CSMD1: variants seen among roughly 807,000 people sequenced by gnomAD.
The protein encoded by CSMD1 is CUB and sushi domain-containing protein 1.
A neutral mutation model predicts 417.5 loss-of-function variants in CSMD1; 213 were observed. The ratio of observed to expected loss-of-function variants is 0.51; its 90% CI spans 0.46 to 0.57. The LOEUF (loss-of-function observed/expected upper bound fraction) is 0.57, where lower values mean the gene tolerates loss of function less well. Ranked by LOEUF, CSMD1 falls within the 20% of genes least tolerant of loss-of-function variation. The probability of loss-of-function intolerance (pLI) is 0.00; values close to 1 mark genes in which losing one functional copy is unlikely to be tolerated. For missense variants in CSMD1, 6,923 were observed against 4,529.7 expected, an observed-to-expected ratio of 1.53 and a Z score of -15.17; for synonymous variants, 2,862 against 1,736.8, an observed-to-expected ratio of 1.65 and a Z score of -16.11.
intron 5 of CSMD1, among the ~76,000 whole-genome samples, chr8:3,801,151 AG>A (rs1344123875): frequency 1.2e-4 from 18 of 152,264 alleles, no homozygotes; most frequent in Middle Eastern, 6.8e-3. Context: ...TCTGCTGCAA[AG>A]GATACCACCA....
At chr8:4,965,088 G>A (rs548829874) in intron 1 of CSMD1, among the ~76,000 whole-genome samples, 1 of 152,124 alleles carries the variant, frequency 6.6e-6, no homozygotes, top group African/African-American at 2.4e-5. Context: ...CTCTATTGTA[G>A]GCAAATAGCT....
chr8:4,831,872 G>C (rs1030303733), intron 1 of CSMD1, among the ~76,000 whole-genome samples: 14 of 151,978 alleles, frequency 9.2e-5, no homozygotes, highest in African/African-American at 2.2e-4. Context: ...GAAGGTGCAA[G>C]GATGAGGATG....
At chr8:4,006,714 C>G (rs752907084) in intron 4 of CSMD1, among the ~76,000 whole-genome samples, 2 of 151,768 alleles carry the variant, frequency 1.3e-5, no homozygotes, top group Non-Finnish European at 1.5e-5. Flanking sequence ...TATCTGATTT[C>G]TATAAAATGA....
intron 3 of CSMD1, among the ~76,000 whole-genome samples, chr8:4,153,258 C>T (rs1030581320): frequency 1.3e-5 from 2 of 152,162 alleles, no homozygotes; most frequent in Admixed American, 6.5e-5. Flanking sequence ...ATGATACATA[C>T]GGCTATAAAG....
intron 37 of CSMD1, among the ~76,000 whole-genome samples, chr8:3,170,120 C>G (rs557544537): frequency 5.3e-5 from 8 of 152,380 alleles, no homozygotes; most frequent in African/African-American, 1.7e-4. Context: ...TAGAAGCACC[C>G]TTCTGCGCAA....
intron 2 of CSMD1, among the ~76,000 whole-genome samples, chr8:4,605,102 C>T (rs756375459): frequency 3.3e-5 from 5 of 152,128 alleles, no homozygotes; most frequent in Non-Finnish European, 7.4e-5. Context: ...TAACCTGTAC[C>T]AAAGTATTTT....
chr8:4,445,431 A>G (rs1481660383), intron 2 of CSMD1, among the ~76,000 whole-genome samples: 2 of 152,172 alleles, frequency 1.3e-5, no homozygotes, highest in South Asian at 2.1e-4. Flanking sequence ...TACTGTACCA[A>G]ATCGTCTTTC....
At chr8:4,005,962 C>G (rs922967941) in intron 4 of CSMD1, among the ~76,000 whole-genome samples, 4 of 152,116 alleles carry the variant, frequency 2.6e-5, no homozygotes, top group Admixed American at 6.6e-5. Context: ...TCATTCAATA[C>G]ATACGAAAAC....
intron 10 of CSMD1, among the ~76,000 whole-genome samples, chr8:3,523,078 C>G (rs1041066009): frequency 1.3e-5 from 2 of 151,664 alleles, no homozygotes; most frequent in Non-Finnish European, 2.9e-5. Flanking sequence ...GAATTCAGGT[C>G]TCTAACTCCA....
chr8:4,325,174 A>T (rs938497837), intron 3 of CSMD1, among the ~76,000 whole-genome samples: 1 of 152,166 alleles, frequency 6.6e-6, no homozygotes, highest in African/African-American at 2.4e-5. Flanking sequence ...AGAAAAATAA[A>T]TATAACAAAG....
chr8:4,922,931 T>G (rs1480747925), intron 1 of CSMD1, among the ~76,000 whole-genome samples: 1 of 152,188 alleles, frequency 6.6e-6, no homozygotes, highest in Non-Finnish European at 1.5e-5. Flanking sequence ...ATTCCTAGTC[T>G]TGGTGTATAT....
intron 1 of CSMD1, among the ~76,000 whole-genome samples, chr8:4,912,817 G>C (rs75470026): frequency 0.055 from 8,382 of 151,708 alleles, 329 homozygotes; most frequent in Middle Eastern, 0.15. Flanking sequence ...ACAGAGTCTT[G>C]CTCTGTCTCC....
chr8:3,655,668 T>G (rs1188398874), intron 7 of CSMD1, among the ~76,000 whole-genome samples: 1 of 151,750 alleles, frequency 6.6e-6, no homozygotes, highest in Non-Finnish European at 1.5e-5. Context: ...CGTTTTTTTT[T>G]TTTTTTTTTT....
At chr8:3,296,199 C>T (rs188920373) in intron 25 of CSMD1, among the ~76,000 whole-genome samples, 1 of 151,870 alleles carries the variant, frequency 6.6e-6, no homozygotes, top group Admixed American at 6.6e-5. Context: ...TTAGGCTAAG[C>T]CATCTTGGCA....
intron 4 of CSMD1, among the ~76,000 whole-genome samples, chr8:4,018,934 C>A (rs527724756): frequency 1.3e-5 from 2 of 152,142 alleles, no homozygotes; most frequent in African/African-American, 4.8e-5. Context: ...CAAGAACATA[C>A]GTAAGGCATG....
intron 12 of CSMD1, among the ~76,000 whole-genome samples, chr8:3,451,459 T>G (rs575440755): frequency 5.9e-5 from 9 of 152,342 alleles, no homozygotes; most frequent in African/African-American, 2.2e-4. Flanking sequence ...GGCTAACATT[T>G]AAGTGTCCAA....
At chr8:4,511,884 G>C (rs553979509) in intron 2 of CSMD1, among the ~76,000 whole-genome samples, 31 of 152,234 alleles carry the variant, frequency 2.0e-4, no homozygotes, top group African/African-American at 6.7e-4. Context: ...CCTGCTTCCA[G>C]CTTGGGGAGG....
At chr8:3,304,494 A>G (rs1804660354) in intron 25 of CSMD1, among the ~76,000 whole-genome samples, 1 of 152,144 alleles carries the variant, frequency 6.6e-6, no homozygotes, top group Admixed American at 6.6e-5. Context: ...TTCAATCATC[A>G]AAAACATTTT....
intron 26 of CSMD1, among the ~76,000 whole-genome samples, chr8:3,242,565 G>A (rs994253794): frequency 7.2e-5 from 11 of 152,084 alleles, no homozygotes; most frequent in Admixed American, 1.3e-4. Flanking sequence ...AACCACTGTC[G>A]AGTTTGTACT....
Sources: gnomAD v4.1 joint callset for allele counts (sites outside exome capture counted in the v4.1 genomes callset) on GRCh38, gnomAD v4.1.1 for gene constraint, MANE v1.5 for transcripts, NCBI Gene and HGNC (gene_info 2026-07-23, HGNC 2026-07-21) for gene names.